The following MEGF11 variants were observed in gnomAD, a reference collection of about 807,000 sequenced individuals.
MEGF11 encodes the protein multiple EGF like domains 11, also known as multiple epidermal growth factor-like domains protein 11.
In MEGF11, 126 loss-of-function variants were observed where a neutral mutation model predicts 146.6. The ratio of observed to expected loss-of-function variants is 0.86; its 90% CI spans 0.74 to 1.00. MEGF11 has a LOEUF of 1.00. Ranked by LOEUF, MEGF11 falls within the 50% of genes least tolerant of loss-of-function variation. The pLI is 0.00. For missense variants in MEGF11, 1,509 were observed against 1,521.2 expected (o/e 0.99, Z 0.13); for synonymous variants, 532 against 583.4 (o/e 0.91, Z 1.27).
intron 4 of MEGF11, among the ~76,000 whole-genome samples, chr15:66,096,041 G>A (rs569595018): frequency 6.6e-6 from 1 of 152,122 alleles, no homozygotes; most frequent in Non-Finnish European, 1.5e-5. Context: ...GCTCAAATGG[G>A]TCAGTGCCCC....
chr15:66,082,910 C>A (rs1288342409), intron 5 of MEGF11, among the ~76,000 whole-genome samples: 3 of 152,112 alleles, frequency 2.0e-5, no homozygotes, highest in African/African-American at 7.2e-5. Flanking sequence ...GCCACACACA[C>A]CCCCATCTGG....
At chr15:66,206,877 T>C (rs1323639654) in intron 1 of MEGF11, among the ~76,000 whole-genome samples, 1 of 152,180 alleles carries the variant, frequency 6.6e-6, no homozygotes, top group East Asian at 1.9e-4. Context: ...CACTCCAGCT[T>C]GGGCAACAGA....
intron 5 of MEGF11, among the ~76,000 whole-genome samples, chr15:66,083,007 C>G (rs1207425494): frequency 6.6e-6 from 1 of 152,172 alleles, no homozygotes; most frequent in African/African-American, 2.4e-5. Flanking sequence ...TGCTTTGCCC[C>G]CTATGTCCTG....
chr15:65,930,634 C>G (rs1256254388), intron 11 of MEGF11, among the ~76,000 whole-genome samples, 189 bp downstream of exon 11: 2 of 152,242 alleles, frequency 1.3e-5, no homozygotes, highest in African/African-American at 4.8e-5. Context: ...TGAATCCCCT[C>G]ATTACATTCC....
intron 1 of MEGF11, among the ~76,000 whole-genome samples, chr15:66,246,103 A>G (rs554696753): frequency 2.0e-5 from 3 of 152,032 alleles, no homozygotes; most frequent in Non-Finnish European, 4.4e-5. Context: ...CTAAAAATAC[A>G]AAAATGAGCC....
intron 5 of MEGF11, among the ~76,000 whole-genome samples, chr15:66,035,039 G>T (rs1402633842): frequency 3.3e-5 from 5 of 151,910 alleles, no homozygotes. Flanking sequence ...TCAGAACCAT[G>T]AGCTAAAAAA....
chr15:66,075,750 T>C (rs991586320), intron 5 of MEGF11, among the ~76,000 whole-genome samples: 2 of 152,198 alleles, frequency 1.3e-5, no homozygotes, highest in Non-Finnish European at 2.9e-5. Flanking sequence ...CTCTCAGATA[T>C]AGGAGAATGA....
At chr15:66,148,508 G>A (rs547666028) in intron 1 of MEGF11, among the ~76,000 whole-genome samples, 4 of 152,318 alleles carry the variant, frequency 2.6e-5, no homozygotes, top group Non-Finnish European at 4.4e-5. Flanking sequence ...ACGACAGGAG[G>A]TTGCCACAGT....
intron 2 of MEGF11, among the ~76,000 whole-genome samples, chr15:66,126,823 A>G (rs187650429): frequency 2.6e-4 from 39 of 152,354 alleles, no homozygotes; most frequent in Admixed American, 2.4e-3. Context: ...TAAATTCACC[A>G]AAGCCAGAAC....
intron 1 of MEGF11, among the ~76,000 whole-genome samples, chr15:66,210,654 G>C (rs59355421): frequency 0.43 from 66,141 of 152,078 alleles, 15,388 homozygotes; most frequent in East Asian, 0.74. Flanking sequence ...TGCAGAGACA[G>C]GATTTTAAAG....
chr15:65,896,987 C>A lies in MEGF11; in HGVS notation c.*947G>T, dbSNP rs1367244204. On this transcript the variant is annotated 3_prime_UTR_variant, in exon 26 of 26. Coordinates refer to ENST00000395614, the MANE Select transcript of MEGF11 (RefSeq NM_001385028.1). ...CGTCAATCTCAAGATTTATGAAGAA[C>A]TTGAAAGCAAGTACTCTTGAGTCAA... 2 of 152,156 alleles carry A rather than the reference C, an allele frequency of 1.3e-5. No individual in the cohort carries two copies. Among genetic ancestry groups the A allele is most frequent in the Non-Finnish European group, 2.9e-5 (2 of 68,020 alleles). 9.4% of individuals were successfully genotyped at this position (152,156 alleles called of 1,614,324 possible).
chr15:66,094,447 T>A lies in MEGF11; in HGVS notation c.349A>T (p.Thr117Ser), dbSNP rs201503694. The A allele has an allele frequency of 3.2e-6, 5 of 1,552,386 alleles. No homozygotes were observed. In the East Asian group the frequency reaches 1.2e-4, roughly 38 times the overall value. The change falls in exon 5 of 26, where the codon ACC (threonine) becomes TCC (serine). Residue 117 changes from threonine (T) to serine (S), a missense_variant. Thr to Ser is a moderately conservative substitution (Grantham distance 58, BLOSUM62 1). Transcript: ENST00000395614. Reference protein sequence around the residue: ...CVHGRCVSPDTCHCEPGWGGP... With the variant: ...CVHGRCVSPDSCHCEPGWGGP... ...CCCCAGCCAGGCTCGCAGTGGCAGG[T>A]GTCCGGGGAAACGCAGCGGCCGTGC... is the stretch of plus-strand genomic sequence containing the variant.
rs2081695785 is a variant in MEGF11 at position 65,982,613 on chromosome 15, A to AG, written c.395-126dup. On this transcript the variant is annotated intron_variant, in intron 5 of 25. Coordinates refer to ENST00000395614, the MANE Select transcript of MEGF11 (RefSeq NM_001385028.1). This position sits in a 1 kb window ranked among gnomAD's most constrained non-coding sequence, Gnocchi z 5.6. The stretch of plus-strand genomic sequence containing the variant: ...GCTGCTCCCCGGACAGGTGGCAGCA[A>AG]GGGGTGCCTGGAAGCTTTGGTGCCT... 1 of 1,193,576 alleles carries AG rather than the reference A, an allele frequency of 8.4e-7. No homozygotes were observed. The highest frequency in any genetic ancestry group is 1.1e-6 in the Non-Finnish European group (1 of 901,078). 73.9% of individuals were successfully genotyped at this position (1,193,576 alleles called of 1,614,324 possible).
intron 23 of MEGF11, among the ~76,000 whole-genome samples, chr15:65,907,775 C>T (rs1035043473): frequency 6.6e-6 from 1 of 152,204 alleles, no homozygotes; most frequent in Non-Finnish European, 1.5e-5. Flanking sequence ...AGGGAACAGG[C>T]CCAAAGAGCA....
At chr15:66,138,441 T>C (rs1410036743) in intron 1 of MEGF11, among the ~76,000 whole-genome samples, 3 of 152,204 alleles carry the variant, frequency 2.0e-5, no homozygotes, top group African/African-American at 7.2e-5. Flanking sequence ...TAAAGCACGA[T>C]TTTGTCAGCT....
At chr15:66,115,248 C>G (rs111329347) in intron 4 of MEGF11, among the ~76,000 whole-genome samples, 1 of 152,202 alleles carries the variant, frequency 6.6e-6, no homozygotes, top group Non-Finnish European at 1.5e-5. Context: ...GGCCTCTGAG[C>G]GATCTGGAGA....
At chr15:66,211,323 A>G (rs2091441087) in intron 1 of MEGF11, among the ~76,000 whole-genome samples, 1 of 152,146 alleles carries the variant, frequency 6.6e-6, no homozygotes, top group Non-Finnish European at 1.5e-5. Context: ...GGAGATCGAG[A>G]CCATCTTGGC....
intron 1 of MEGF11, among the ~76,000 whole-genome samples, chr15:66,199,303 G>A (rs144761130): frequency 6.0e-4 from 91 of 152,256 alleles, no homozygotes; most frequent in African/African-American, 1.9e-3. Flanking sequence ...TCCAAAAAAT[G>A]TAGATGCCAT....
At chr15:66,126,424 T>C (rs1470990848) in intron 2 of MEGF11, among the ~76,000 whole-genome samples, 2 of 152,244 alleles carry the variant, frequency 1.3e-5, no homozygotes, top group Non-Finnish European at 2.9e-5. Flanking sequence ...TAACCCTGGC[T>C]GATAGCCTAA....
Sources: gnomAD v4.1 joint callset for allele counts (sites outside exome capture counted in the v4.1 genomes callset) on GRCh38, gnomAD v4.1.1 for gene constraint, Gnocchi (gnomAD v3.1) non-coding constraint, MANE v1.5 for transcripts, NCBI Gene and HGNC (gene_info 2026-07-23, HGNC 2026-07-21) for gene names.